Variants in ANKRD12 observed in about 807,000 individuals in gnomAD.
ANKRD12 encodes the protein ankyrin repeat domain 12.
In ANKRD12, 85 loss-of-function variants were observed where a neutral mutation model predicts 183.4. That is an observed-to-expected ratio of 0.46 (90% CI 0.39 to 0.56). The LOEUF is 0.56. Among genes scored for constraint, ANKRD12 ranks in the 20% least tolerant of loss-of-function variants. The probability of loss-of-function intolerance (pLI) is 0.00; values close to 1 mark genes in which losing one functional copy is unlikely to be tolerated. For synonymous variants in ANKRD12, 914 were observed against 800.2 expected, an observed-to-expected ratio of 1.14 and a Z score of -2.40; for missense variants, 2,405 against 2,357.1, an observed-to-expected ratio of 1.02 and a Z score of -0.42.
At chr18:9,269,020 A>G (rs1313213007) in intron 10 of ANKRD12, among the ~76,000 whole-genome samples, 2 of 152,226 alleles carry the variant, frequency 1.3e-5, no homozygotes, top group African/African-American at 2.4e-5. Context: ...CCCATTCACA[A>G]TTGCTTCAAA....
At chr18:9,244,316 T>G (rs183512705) in intron 8 of ANKRD12, among the ~76,000 whole-genome samples, 381 of 152,290 alleles carry the variant, frequency 2.5e-3, no homozygotes, top group African/African-American at 8.4e-3. Context: ...ATATTGCTTT[T>G]TAGTGACACA....
intron 8 of ANKRD12, among the ~76,000 whole-genome samples, chr18:9,228,471 C>T (rs558164468): frequency 3.9e-5 from 6 of 152,282 alleles, no homozygotes; most frequent in South Asian, 2.1e-4. Context: ...TCCACACCCT[C>T]GCCAGTAACT....
chr18:9,137,788 G>C (rs2078170058), intron 1 of ANKRD12: 1 of 152,258 alleles, frequency 6.6e-6, no homozygotes. Context: ...GAGCACGTCA[G>C]GTTCTTAGAT....
chr18:9,269,060 C>T (rs1323204273), intron 10 of ANKRD12, among the ~76,000 whole-genome samples: 11 of 152,116 alleles, frequency 7.2e-5, no homozygotes, highest in Non-Finnish European at 1.6e-4. Context: ...ATCCAACTTA[C>T]AAGGGATGTG....
intron 5 of ANKRD12, among the ~76,000 whole-genome samples, chr18:9,209,978 C>A (rs1416591369): frequency 6.6e-6 from 1 of 152,036 alleles, no homozygotes; most frequent in Admixed American, 6.6e-5. Context: ...CATAAACTTA[C>A]AAATACGTAT....
chr18:9,238,008 A>C (rs1199992268), intron 8 of ANKRD12, among the ~76,000 whole-genome samples: 1 of 152,192 alleles, frequency 6.6e-6, no homozygotes, highest in Non-Finnish European at 1.5e-5. Flanking sequence ...TAGTTTTACT[A>C]AGATTGCACA....
At chr18:9,191,490 A>C (rs1031466019) in intron 2 of ANKRD12, among the ~76,000 whole-genome samples, 10 of 151,250 alleles carry the variant, frequency 6.6e-5, no homozygotes, top group Non-Finnish European at 1.2e-4. Context: ...TTTTTTTTTT[A>C]ACTCATTTTG....
chr18:9,189,659 T>TA (rs1362899887), intron 2 of ANKRD12, among the ~76,000 whole-genome samples: 1 of 152,162 alleles, frequency 6.6e-6, no homozygotes, highest in Non-Finnish European at 1.5e-5. Context: ...CCATAAGAAT[T>TA]ACGTGAAATT....
rs900435043 is a variant in ANKRD12 at position 9,254,826 on chromosome 18, A to G, written c.1559A>G (p.Asn520Ser). The G allele has an allele frequency of 6.7e-7, 1 of 1,487,158 alleles. No individual in the cohort carries two copies. Among genetic ancestry groups the G allele is most frequent in the South Asian group, 1.5e-5 (1 of 67,316 alleles). 92.1% of individuals were successfully genotyped at this position (1,487,158 alleles called of 1,614,324 possible). A position where few individuals can be genotyped will look rare whatever the true frequency, so the allele number is the denominator to read the frequency against. ...DCSEKTREEG[N>S]FRKSFSPKDD... is the part of the protein sequence containing the mutation. The stretch of plus-strand genomic sequence containing the variant: ...TCAGAAAAGACCAGAGAGGAGGGGA[A>G]CTTTAGGAAATCTTTTAGCCCAAAA... The change falls in exon 9 of 13, where the codon AAC becomes AGC. Residue 520 changes from asparagine to serine, a missense_variant. This residue lies in a region of ANKRD12 where 1,983 missense variants were observed against 1,725.9 expected (regional missense o/e 1.15). Transcript: ENST00000262126.
At chr18:9,150,216 C>G (rs2078640837) in intron 1 of ANKRD12, among the ~76,000 whole-genome samples, 1 of 152,058 alleles carries the variant, frequency 6.6e-6, no homozygotes, top group African/African-American at 2.4e-5. Context: ...AGCTTGTGTC[C>G]TAAATCTTTT....
intron 1 of ANKRD12, among the ~76,000 whole-genome samples, chr18:9,170,569 A>G (rs1198903716): frequency 6.6e-6 from 1 of 152,040 alleles, no homozygotes; most frequent in Non-Finnish European, 1.5e-5. Context: ...CAGGTCCTTT[A>G]AGGACTTCTC....
chr18:9,250,641 C>T (rs180906438), intron 8 of ANKRD12, among the ~76,000 whole-genome samples: 34 of 152,188 alleles, frequency 2.2e-4, no homozygotes, highest in African/African-American at 7.9e-4. Flanking sequence ...ATCGTTTGAG[C>T]CCAGGTAGGA....
chr18:9,249,501 T>G (rs2038159410), intron 8 of ANKRD12: 2 of 152,192 alleles, frequency 1.3e-5, no homozygotes, highest in African/African-American at 2.4e-5. Flanking sequence ...AAGGAGTGAT[T>G]GGGAGGTTAA....
intron 2 of ANKRD12, among the ~76,000 whole-genome samples, chr18:9,184,532 G>A (rs763499740): frequency 5.3e-5 from 8 of 151,836 alleles, no homozygotes; most frequent in African/African-American, 9.7e-5. Flanking sequence ...AGCTGAGACC[G>A]CAGGTGCACA....
chr18:9,240,955 C>T (rs987008531), intron 8 of ANKRD12, among the ~76,000 whole-genome samples: 36 of 152,056 alleles, frequency 2.4e-4, no homozygotes, highest in Admixed American at 1.8e-3. Context: ...CAACTTATTT[C>T]CTCAGTTTTA....
chr18:9,272,020 C>A (rs1210640361), intron 10 of ANKRD12, among the ~76,000 whole-genome samples: 1 of 152,150 alleles, frequency 6.6e-6, no homozygotes, highest in Admixed American at 6.6e-5. Context: ...CAGCCAGAAT[C>A]CCTGCCCATT....
chr18:9,244,112 C>G (rs1598669509), intron 8 of ANKRD12, among the ~76,000 whole-genome samples: 1 of 152,234 alleles, frequency 6.6e-6, no homozygotes. Flanking sequence ...CCAACCTGGA[C>G]AACAAGAGCG....
intron 2 of ANKRD12, among the ~76,000 whole-genome samples, chr18:9,193,903 A>G (rs896446866): frequency 6.6e-6 from 1 of 152,212 alleles, no homozygotes; most frequent in East Asian, 1.9e-4. Context: ...TGCTGTATCA[A>G]TTTGGATGTT....
At chr18:9,245,716 A>G (rs2037924029) in intron 8 of ANKRD12, among the ~76,000 whole-genome samples, 1 of 152,214 alleles carries the variant, frequency 6.6e-6, no homozygotes, top group South Asian at 2.1e-4. Context: ...ATGTAAATCA[A>G]TACTAGTAAA....
Sources: gnomAD v4.1 joint callset for allele counts (sites outside exome capture counted in the v4.1 genomes callset) on GRCh38, gnomAD v4.1.1 for gene constraint, gnomAD v4.1.1 regional missense constraint, MANE v1.5 for transcripts, NCBI Gene and HGNC (gene_info 2026-07-23, HGNC 2026-07-21) for gene names.